The following MXI1 variants were observed in gnomAD, a reference collection of about 807,000 sequenced individuals.
The protein encoded by MXI1 is MAX interactor 1, dimerization protein.
Under a neutral mutation model 36.9 loss-of-function variants are expected in MXI1, and 18 were observed. The ratio of observed to expected loss-of-function variants is 0.49; its 90% confidence interval spans 0.34 to 0.72. The LOEUF (loss-of-function observed/expected upper bound fraction) is 0.72, where lower values mean the gene tolerates loss of function less well. MXI1 is among the 30% of genes least tolerant of loss of function. MXI1 has a pLI of 0.01. For missense variants in MXI1, 304 were observed against 379.1 expected (o/e 0.80, Z 1.64); for synonymous variants, 160 against 146.7 (o/e 1.09, Z -0.65).
intron 1 of MXI1, among the ~76,000 whole-genome samples, chr10:110,225,372 A>G (rs1422904964): frequency 6.6e-6 from 1 of 152,194 alleles, no homozygotes; most frequent in African/African-American, 2.4e-5. Flanking sequence ...TTTAAAAAGT[A>G]AGATTAAAGA....
chr10:110,225,856 C>A (rs1049094050), intron 1 of MXI1: 8 of 314,836 alleles, frequency 2.5e-5, no homozygotes, highest in Non-Finnish European at 3.7e-5. Context: ...ACGCAGGCGC[C>A]CTGAAACGGC....
chr10:110,211,882 T>C (rs1263705306), intron 1 of MXI1, among the ~76,000 whole-genome samples: 1 of 152,196 alleles, frequency 6.6e-6, no homozygotes, highest in Non-Finnish European at 1.5e-5. Flanking sequence ...TTACCACAAA[T>C]TCAGAAATTA....
intron 3 of MXI1, among the ~76,000 whole-genome samples, chr10:110,254,744 C>G (rs1409591341): frequency 1.3e-5 from 2 of 152,128 alleles, no homozygotes; most frequent in Admixed American, 1.3e-4. Flanking sequence ...TCTCTTAAGC[C>G]AAAGCCTAAT....
At chr10:110,238,332 AG>A (rs566707655) in intron 2 of MXI1, among the ~76,000 whole-genome samples, 265 of 152,258 alleles carry the variant, frequency 1.7e-3, no homozygotes, top group Non-Finnish European at 3.1e-3. Context: ...GCATAAACTC[AG>A]GTGTAGTCCG....
At chr10:110,223,788 A>G (rs1854882350) in intron 1 of MXI1, among the ~76,000 whole-genome samples, 1 of 151,442 alleles carries the variant, frequency 6.6e-6, no homozygotes, top group Non-Finnish European at 1.5e-5. Context: ...CCTAGTCAAG[A>G]GCTAAAAGAA....
chr10:110,275,347 AG>A (rs1856990266), intron 3 of MXI1, among the ~76,000 whole-genome samples: 1 of 152,200 alleles, frequency 6.6e-6, no homozygotes, highest in South Asian at 2.1e-4. Flanking sequence ...TGGCATCAAA[AG>A]ATATGCCTTT....
intron 3 of MXI1, among the ~76,000 whole-genome samples, chr10:110,258,850 C>T (rs1233652267): frequency 1.3e-5 from 2 of 152,074 alleles, no homozygotes; most frequent in Non-Finnish European, 2.9e-5. Flanking sequence ...AGAAATAGTT[C>T]ATTAAGACTA....
At chr10:110,224,635 CTTTTTT>C (rs34948360) in intron 1 of MXI1, among the ~76,000 whole-genome samples, 1 of 126,428 alleles carries the variant, frequency 7.9e-6, no homozygotes, top group Non-Finnish European at 1.6e-5. Flanking sequence ...CAGTCAGTGG[CTTTTTT>C]TTTTTTTTTT....
chr10:110,251,033 AAAAG>A (rs1464821908), intron 3 of MXI1, among the ~76,000 whole-genome samples: 8 of 110,326 alleles, frequency 7.3e-5, no homozygotes, highest in African/African-American at 2.3e-4. Context: ...AAAAAAAAAA[AAAAG>A]AGAAGGATGT....
chr10:110,216,921 G>T (rs2134331285), intron 1 of MXI1, among the ~76,000 whole-genome samples: 1 of 152,038 alleles, frequency 6.6e-6, no homozygotes, highest in South Asian at 2.1e-4. Flanking sequence ...ACCCACCTCG[G>T]CCTCCAAAAG....
chr10:110,244,105 C>T (rs1373796198), intron 2 of MXI1, among the ~76,000 whole-genome samples: 1 of 152,036 alleles, frequency 6.6e-6, no homozygotes, highest in South Asian at 2.1e-4. Flanking sequence ...CTGCTTATCC[C>T]ACTGTTCCCC....
chr10:110,283,965 T>TG (rs1455030347), intron 5 of MXI1, among the ~76,000 whole-genome samples: 1 of 148,694 alleles, frequency 6.7e-6, no homozygotes, highest in Non-Finnish European at 1.5e-5. Flanking sequence ...TGTTGTTGTG[T>TG]TTTTTTTGGT....
At chr10:110,218,322 C>T (rs1048216830) in intron 1 of MXI1, among the ~76,000 whole-genome samples, 8 of 151,858 alleles carry the variant, frequency 5.3e-5, no homozygotes, top group African/African-American at 1.2e-4. Flanking sequence ...TGGTGGCGGG[C>T]GCCTGTAGTC....
chr10:110,220,372 A>G (rs768586913), intron 1 of MXI1, among the ~76,000 whole-genome samples: 1 of 152,152 alleles, frequency 6.6e-6, no homozygotes, highest in Non-Finnish European at 1.5e-5. Flanking sequence ...TCAAAACACT[A>G]TTGCTGGAAG....
chr10:110,216,665 G>GTTTTTTTTTTTCTTTTTTT (rs1854646117), intron 1 of MXI1, among the ~76,000 whole-genome samples: 1 of 79,060 alleles, frequency 1.3e-5, no homozygotes, highest in Non-Finnish European at 2.0e-5. Flanking sequence ...TGTGTTTAAT[G>GTTTTTTTTTTTCTTTTTTT]TTTTTTTTTT....
intron 1 of MXI1, among the ~76,000 whole-genome samples, chr10:110,217,551 G>A (rs919628361): frequency 5.9e-5 from 9 of 152,160 alleles, no homozygotes; most frequent in African/African-American, 2.2e-4. Context: ...TGACCGTCCT[G>A]CCATATTTCT....
chr10:110,208,319 C>CG, intron 1 of MXI1: 1 of 371,272 alleles, frequency 2.7e-6, no homozygotes, highest in Non-Finnish European at 4.8e-6. Flanking sequence ...TCCTCTCCGG[C>CG]GGGCTGGGGC....
At chr10:110,225,345 T>C (rs1854927761) in intron 1 of MXI1, among the ~76,000 whole-genome samples, 1 of 151,924 alleles carries the variant, frequency 6.6e-6, no homozygotes, top group Non-Finnish European at 1.5e-5. Context: ...AAAGCACTAG[T>C]GAGGAGAGGA....
chr10:110,281,267 G>T (rs1320299403), intron 5 of MXI1, among the ~76,000 whole-genome samples: 3 of 151,906 alleles, frequency 2.0e-5, no homozygotes, highest in East Asian at 1.9e-4. Context: ...ACATCATTTT[G>T]CCCCTAAATA....
Sources: allele counts gnomAD v4.1 joint callset (sites outside exome capture counted in the v4.1 genomes callset), GRCh38; gene constraint gnomAD v4.1.1; transcripts MANE v1.5; gene names NCBI Gene and HGNC (gene_info 2026-07-23, HGNC 2026-07-21).